Variants in PCDHA7 observed in about 807,000 individuals in gnomAD.
PCDHA7 encodes protocadherin alpha-7.
A neutral mutation model predicts 57.2 loss-of-function variants in PCDHA7; 37 were observed. That is an observed-to-expected ratio of 0.65 (90% CI 0.50 to 0.85). The LOEUF (loss-of-function observed/expected upper bound fraction) is 0.85. Ranked by LOEUF, PCDHA7 falls within the 40% of genes least tolerant of loss-of-function variation. The probability of loss-of-function intolerance (pLI) is 0.00; values close to 1 mark genes in which losing one functional copy is unlikely to be tolerated. For synonymous variants in PCDHA7, 553 were observed against 558.8 expected, an observed-to-expected ratio of 0.99 and a Z score of 0.15; for missense variants, 1,188 against 1,241.8, an observed-to-expected ratio of 0.96 and a Z score of 0.65.
In PCDHA7 at chr5:140,959,884, G is replaced by A. The variant is rs141989766; in HGVS notation, c.2356-19065G>A. On this transcript the variant is annotated intron_variant, in intron 1 of 3. Coordinates refer to ENST00000525929, the MANE Select transcript of PCDHA7 (RefSeq NM_018910.3). ...TAGCAAAATCTGTCAAGGAATACAC[G>A]AGTGGGATTTATATCAGAAAAATCA... Among the ~76,000 whole-genome samples, 570 of 152,254 alleles carry A rather than the reference G, an allele frequency of 3.7e-3. 1 individual carries two copies. The highest frequency in any genetic ancestry group is 6.9e-3 in the Non-Finnish European group (471 of 68,018).
intron 1 of PCDHA7, chr5:140,869,167 G>T (rs782094054): frequency 1.2e-6 from 2 of 1,613,864 alleles, no homozygotes; most frequent in East Asian, 4.5e-5. Flanking sequence ...TCTCCTCCTC[G>T]AATTCTGGGA....
chr5:140,843,125 G>A (rs2150353393), intron 1 of PCDHA7: 2 of 1,595,922 alleles, frequency 1.3e-6, no homozygotes, highest in East Asian at 2.2e-5. Flanking sequence ...CGCCGACTCG[G>A]GCTACAACGC....
rs2098421123 is a variant in PCDHA7, at chr5:141,011,585, A to G, written c.*1648A>G. 6.5e-6 allele frequency: 1 copy of G among 153,746 alleles called. No individual in the cohort carries two copies. The highest frequency in any genetic ancestry group is 1.5e-5 in the Non-Finnish European group (1 of 68,036). 9.5% of individuals were successfully genotyped at this position (153,746 alleles called of 1,614,324 possible). ...TAAAATTTCTTTCTTAAATCAAGAT[A>G]CTGGTGATTCAAGGAATTTTATTTA... On this transcript the variant is annotated 3_prime_UTR_variant, in exon 4 of 4. Coordinates refer to ENST00000525929, the MANE Select transcript of PCDHA7 (RefSeq NM_018910.3).
intron 1 of PCDHA7, chr5:140,847,563 C>T (rs1288728812): frequency 1.3e-5 from 2 of 148,928 alleles, no homozygotes; most frequent in African/African-American, 2.5e-5. Context: ...GAAATTGCCC[C>T]GAGTACTAAG....
chr5:140,877,440 G>A (rs372613448), intron 1 of PCDHA7: 9 of 1,613,710 alleles, frequency 5.6e-6, no homozygotes, highest in Non-Finnish European at 5.9e-6. Context: ...ACCACGGTGA[G>A]CCCGCGCTGA....
rs1554151795 is a variant in PCDHA7, at chr5:140,858,568, T to C, written c.2355+21830T>C. On this transcript the variant is annotated intron_variant, in intron 1 of 3. Transcript: ENST00000525929. ...ATTTATGCTTGAATATTTCTAGTGA[T>C]ACCTTTGTAATATAATTTATTCCAG... 5.8e-6 allele frequency: 8 copies of C among 1,371,312 alleles called. 1 individual carries two copies. Among genetic ancestry groups the C allele is most frequent in the African/African-American group, 5.8e-5 (4 of 69,536 alleles). 84.9% of individuals were successfully genotyped at this position (1,371,312 alleles called of 1,614,324 possible).
intron 1 of PCDHA7, among the ~76,000 whole-genome samples, chr5:140,846,560 G>A (rs1327875705): frequency 6.8e-6 from 1 of 148,012 alleles, no homozygotes; most frequent in Non-Finnish European, 1.5e-5. Context: ...ATTTTTAGTA[G>A]AGTCGGGGTT....
chr5:140,967,736 G>A (rs1554229871), intron 1 of PCDHA7: 4 of 1,614,162 alleles, frequency 2.5e-6, no homozygotes, highest in Non-Finnish European at 3.4e-6. Context: ...TGGGGGGCTG[G>A]ATTATGAGGA....
At chr5:140,968,256 A>G (rs782309414) in intron 1 of PCDHA7, 2 of 1,614,006 alleles carry the variant, frequency 1.2e-6, no homozygotes, top group East Asian at 4.5e-5. Flanking sequence ...ACAGACCCAG[A>G]TGAAAAGGAG....
At position 140,876,102 on chromosome 5, in the gene PCDHA7, A is replaced by G. The variant is rs1363448025; in HGVS notation, c.2355+39364A>G. 4 of 1,613,844 alleles carry G rather than the reference A, an allele frequency of 2.5e-6. No individual in the cohort carries two copies. The African/African-American group carries it at 4.0e-5, about 16-fold the overall frequency. ...GAGAGCAAACGCCAAAACTCAATTT[A>G]TTGCTGATGGTAATCGATGGCGGTA... On this transcript the variant is annotated intron_variant, in intron 1 of 3. Coordinates refer to ENST00000525929, the MANE Select transcript of PCDHA7 (RefSeq NM_018910.3).
At chr5:140,936,266 A>G (rs1407459228) in intron 1 of PCDHA7, among the ~76,000 whole-genome samples, 1 of 152,182 alleles carries the variant, frequency 6.6e-6, no homozygotes, top group African/African-American at 2.4e-5. Context: ...TCATGAAGAT[A>G]TATTCCTGTG....
chr5:140,870,550 G>C (rs371515299), intron 1 of PCDHA7: 2 of 1,614,066 alleles, frequency 1.2e-6, no homozygotes, highest in South Asian at 2.2e-5. Flanking sequence ...GGACGCGGAC[G>C]CGCAGGAGAA....
intron 1 of PCDHA7, chr5:140,882,984 C>T (rs2059393576): frequency 2.5e-6 from 4 of 1,614,178 alleles, no homozygotes; most frequent in Non-Finnish European, 2.5e-6. Flanking sequence ...AATGACAACG[C>T]CCCGGAATTT....
At chr5:140,921,750 C>T (rs2080373281) in intron 1 of PCDHA7, among the ~76,000 whole-genome samples, 2 of 152,056 alleles carry the variant, frequency 1.3e-5, no homozygotes, top group African/African-American at 4.8e-5. Context: ...CATAACAGGA[C>T]ACTTCTTGGC....
chr5:140,968,782 C>G, intron 1 of PCDHA7: 1 of 1,614,192 alleles, frequency 6.2e-7, no homozygotes, highest in South Asian at 1.1e-5. Flanking sequence ...CACTATCAGC[C>G]TCTGTGGCCA....
chr5:140,950,569 T>G (rs969438550), intron 1 of PCDHA7, among the ~76,000 whole-genome samples: 2 of 152,120 alleles, frequency 1.3e-5, no homozygotes, highest in African/African-American at 4.8e-5. Context: ...TATTTTAAGG[T>G]TTTCTACTTA....
intron 1 of PCDHA7, chr5:140,875,547 G>C (rs558501431): frequency 1.2e-6 from 2 of 1,614,152 alleles, no homozygotes; most frequent in Admixed American, 1.7e-5. Context: ...CAGCCTGGGA[G>C]GTGGGGAGCG....
intron 1 of PCDHA7, among the ~76,000 whole-genome samples, chr5:140,955,323 G>A (rs1213005534): frequency 6.6e-6 from 1 of 152,098 alleles, no homozygotes; most frequent in East Asian, 1.9e-4. Flanking sequence ...ACCTTGAATT[G>A]TAGTTCCCAT....
In PCDHA7 at chr5:140,982,530, C is replaced by G; in HGVS notation, c.2470C>G (p.Gln824Glu). The G allele has an allele frequency of 1.2e-6, 2 of 1,614,200 alleles. No homozygotes were observed. The highest frequency in any genetic ancestry group is 3.3e-5 in the Admixed American group (2 of 60,020). ...ILRAGPGGPDQQWPTVSSATP... is the reference protein window; with the variant it reads ...ILRAGPGGPDEQWPTVSSATP... ...ACGGGCTGGTCCAGGAGGGCCTGATCAGCAGTGGCCAACAGTATCCAGTGC... is the reference window on the plus strand; with the variant it reads ...ACGGGCTGGTCCAGGAGGGCCTGATGAGCAGTGGCCAACAGTATCCAGTGC... The change falls in exon 3 of 4, where the codon CAG (glutamine) becomes GAG (glutamate). Residue 824 changes from glutamine to glutamate, a missense_variant. By Grantham distance (29) the Gln-to-Glu change is conservative. Transcript: ENST00000525929.
Sources: gnomAD v4.1 joint callset for allele counts (sites outside exome capture counted in the v4.1 genomes callset) on GRCh38, gnomAD v4.1.1 for gene constraint, MANE v1.5 for transcripts, NCBI Gene and HGNC (gene_info 2026-07-23, HGNC 2026-07-21) for gene names.